Variants in PARD3B observed in about 807,000 individuals in gnomAD.
PARD3B encodes par-3 family cell polarity regulator beta, also known as partitioning defective 3 homolog B.
PARD3B carries 103 observed loss-of-function variants against 130.2 expected under a neutral mutation model. The ratio of observed to expected loss-of-function variants is 0.79; its 90% CI spans 0.67 to 0.93. The LOEUF (loss-of-function observed/expected upper bound fraction) is 0.93. Ranked by LOEUF, PARD3B falls within the 40% of genes least tolerant of loss-of-function variation. The pLI, the probability that PARD3B is intolerant of heterozygous loss-of-function variation, is 0.00. For missense variants in PARD3B, 1,609 were observed against 1,499.2 expected (o/e 1.07, Z -1.21); for synonymous variants, 583 against 553.2 (o/e 1.05, Z -0.76).
intron 4 of PARD3B, among the ~76,000 whole-genome samples, chr2:205,097,233 G>T (rs1173818537): frequency 6.6e-6 from 1 of 152,056 alleles, no homozygotes; most frequent in Non-Finnish European, 1.5e-5. Context: ...ATTATTATAG[G>T]TTTTTGTTGC....
In PARD3B at chr2:204,689,361, A is replaced by G. The variant is rs577317654; in HGVS notation, c.222+3079A>G. Among the ~76,000 whole-genome samples, 2 of 152,258 alleles carry G rather than the reference A, an allele frequency of 1.3e-5. No homozygotes were observed. The highest frequency in any genetic ancestry group is 2.1e-4 in the South Asian group (1 of 4,828). On this transcript the variant is annotated intron_variant, in intron 2 of 22. Coordinates refer to ENST00000406610, the MANE Select transcript of PARD3B (RefSeq NM_001302769.2). This position sits in a 1 kb window ranked among gnomAD's most constrained non-coding sequence, Gnocchi z 5.2. ...CACTGTGTTACACTACTTCTAGCCT[A>G]TATGTGTCAAAATATTATTGGAACA...
intron 2 of PARD3B, among the ~76,000 whole-genome samples, chr2:204,841,284 G>A (rs926757211): frequency 2.0e-5 from 3 of 151,968 alleles, no homozygotes; most frequent in African/African-American, 7.3e-5. Context: ...TAGCCTCAAG[G>A]GTATCCTTGG....
intron 2 of PARD3B, among the ~76,000 whole-genome samples, chr2:204,724,002 A>G (rs1183918617): frequency 1.3e-5 from 2 of 152,284 alleles, no homozygotes; most frequent in South Asian, 2.1e-4. Flanking sequence ...GAAAAATGTT[A>G]TTCTTCAAAT....
chr2:204,583,290 C>G (rs577942000), intron 1 of PARD3B, among the ~76,000 whole-genome samples: 209 of 95,602 alleles, frequency 2.2e-3, no homozygotes, highest in African/African-American at 8.2e-3. Flanking sequence ...GAATACTATG[C>G]AGCCATAAAA....
chr2:204,946,877 A>T (rs79537067), intron 2 of PARD3B, among the ~76,000 whole-genome samples: 2,409 of 152,324 alleles, frequency 0.016, 67 homozygotes, highest in African/African-American at 0.055. Flanking sequence ...CTCATGTTCC[A>T]GTCCCTATCC....
intron 2 of PARD3B, among the ~76,000 whole-genome samples, chr2:204,721,348 C>G (rs909779104): frequency 6.6e-6 from 1 of 152,010 alleles, no homozygotes; most frequent in Non-Finnish European, 1.5e-5. Context: ...CATACTCCCC[C>G]CTGTAAGAGT....
chr2:205,167,356 C>A (rs1041840155), intron 11 of PARD3B, among the ~76,000 whole-genome samples: 9 of 152,012 alleles, frequency 5.9e-5, no homozygotes, highest in African/African-American at 2.2e-4. Context: ...GTGGAAAGAC[C>A]CTGGTGTAAA....
intron 18 of PARD3B, among the ~76,000 whole-genome samples, chr2:205,330,351 T>A (rs1214290681): frequency 1.3e-5 from 2 of 151,530 alleles, no homozygotes; most frequent in African/African-American, 4.9e-5. Flanking sequence ...AAAAAAAAAA[T>A]TATTAAAATA....
intron 15 of PARD3B, among the ~76,000 whole-genome samples, chr2:205,219,446 T>G (rs976051302): frequency 1.3e-5 from 2 of 152,244 alleles, no homozygotes; most frequent in Admixed American, 1.3e-4. Context: ...TGACAACTTT[T>G]CAAAATCTAT....
rs1167445884 is a variant in PARD3B at position 205,558,908 on chromosome 2, A to G, written c.3260+5505A>G. Among the ~76,000 whole-genome samples, 1 of 152,142 alleles carries G rather than the reference A, an allele frequency of 6.6e-6. No homozygotes were observed. The highest frequency in any genetic ancestry group is 1.9e-4 in the East Asian group (1 of 5,196). On this transcript the variant is annotated intron_variant, in intron 22 of 22. Coordinates refer to ENST00000406610, the MANE Select transcript of PARD3B (RefSeq NM_001302769.2). The surrounding 1 kb of genome is among the most constrained non-coding windows in gnomAD (Gnocchi z 4.8). ...TCCCAGTGCCCTAAAAACACCCTGAATTGGATTATTCTCCACTGCCCCTTT... is the reference window on the plus strand; with the variant it reads ...TCCCAGTGCCCTAAAAACACCCTGAGTTGGATTATTCTCCACTGCCCCTTT...
chr2:204,583,736 A>G (rs1219921840), intron 1 of PARD3B, among the ~76,000 whole-genome samples: 1 of 151,876 alleles, frequency 6.6e-6, no homozygotes, highest in East Asian at 1.9e-4. Context: ...ACATAAAGAG[A>G]TTCCTGGCCC....
At chr2:205,166,004 G>A (rs949667706) in intron 11 of PARD3B, among the ~76,000 whole-genome samples, 4 of 151,908 alleles carry the variant, frequency 2.6e-5, no homozygotes, top group South Asian at 2.1e-4. Context: ...GCTTAGGTTC[G>A]TGACTCTCTC....
chr2:204,912,346 T>G (rs556694438), intron 2 of PARD3B, among the ~76,000 whole-genome samples: 5 of 151,578 alleles, frequency 3.3e-5, no homozygotes, highest in Non-Finnish European at 7.4e-5. Context: ...TTCCCTACAT[T>G]GCTTTCAAGA....
At chr2:205,394,128 GATGA>G (rs993069763) in intron 18 of PARD3B, among the ~76,000 whole-genome samples, 4 of 152,048 alleles carry the variant, frequency 2.6e-5, no homozygotes, top group African/African-American at 7.2e-5. Context: ...GGAATGAATG[GATGA>G]ATGAATGAAC....
rs1425729957 is a variant in PARD3B at position 205,366,173 on chromosome 2, T to C, written c.2631-34840T>C. On this transcript the variant is annotated intron_variant, in intron 18 of 22. Transcript: ENST00000406610. This position sits in a 1 kb window ranked among gnomAD's most constrained non-coding sequence, Gnocchi z 5.0. ...GTTACTTTAAACCAATTTTTTTCTT[T>C]CCTAATTCAACTTAGGAAACATTAA... Among the ~76,000 whole-genome samples, 1 of 152,172 alleles carries C rather than the reference T, an allele frequency of 6.6e-6. No individual in the cohort carries two copies. Among genetic ancestry groups the C allele is most frequent in the African/African-American group, 2.4e-5 (1 of 41,436 alleles).
At chr2:205,170,321 T>A (rs1006415496) in intron 11 of PARD3B, among the ~76,000 whole-genome samples, 7 of 152,154 alleles carry the variant, frequency 4.6e-5, no homozygotes, top group African/African-American at 1.7e-4. Flanking sequence ...TTGTTTGGCC[T>A]TTCCTGTAAA....
intron 2 of PARD3B, among the ~76,000 whole-genome samples, chr2:204,861,805 A>G (rs1275826777): frequency 1.3e-5 from 2 of 151,948 alleles, no homozygotes; most frequent in African/African-American, 4.8e-5. Context: ...ACAGGTTCAG[A>G]TAAGAAGGAT....
chr2:205,218,588 A>G (rs2038072739), intron 15 of PARD3B, among the ~76,000 whole-genome samples: 2 of 152,190 alleles, frequency 1.3e-5, no homozygotes, highest in Non-Finnish European at 2.9e-5. Flanking sequence ...ATAATTGTAA[A>G]TAGATTTTGT....
At chr2:205,181,563 A>G (rs1432023475) in intron 13 of PARD3B, among the ~76,000 whole-genome samples, 1 of 152,246 alleles carries the variant, frequency 6.6e-6, no homozygotes, top group Non-Finnish European at 1.5e-5. Context: ...TGGACAATAC[A>G]TAAACAAATA....
Sources: allele counts gnomAD v4.1 joint callset (sites outside exome capture counted in the v4.1 genomes callset), GRCh38; gene constraint gnomAD v4.1.1; non-coding constraint Gnocchi (gnomAD v3.1); transcripts MANE v1.5; gene names NCBI Gene and HGNC (gene_info 2026-07-23, HGNC 2026-07-21).